The following TUBD1 variants were observed in gnomAD, a reference collection of about 807,000 sequenced individuals.
The protein encoded by TUBD1 is tubulin delta chain.
A neutral mutation model predicts 51.2 loss-of-function variants in TUBD1; 38 were observed. The ratio of observed to expected loss-of-function variants is 0.74; its 90% CI spans 0.57 to 0.97. The LOEUF (loss-of-function observed/expected upper bound fraction) is 0.97, where lower values mean the gene tolerates loss of function less well. TUBD1 is among the 50% of genes least tolerant of loss of function. The pLI, the probability that TUBD1 is intolerant of heterozygous loss-of-function variation, is 0.00. For missense variants in TUBD1, 489 were observed against 538.4 expected, an observed-to-expected ratio of 0.91 and a Z score of 0.91; for synonymous variants, 169 against 178.2, an observed-to-expected ratio of 0.95 and a Z score of 0.41.
At chr17:59,860,928 G>T (rs1380042419) in intron 8 of TUBD1, among the ~76,000 whole-genome samples, 2 of 151,684 alleles carry the variant, frequency 1.3e-5, no homozygotes, top group Non-Finnish European at 2.9e-5. Context: ...TTTTTTCAGT[G>T]TCCAAAAAAC....
intron 2 of TUBD1, 149 bp from the exon 3 acceptor site, chr17:59,886,379 G>A (rs1295922): frequency 2.6e-6 from 2 of 783,666 alleles, no homozygotes; most frequent in Admixed American, 3.1e-5. Flanking sequence ...GTACTGCTTA[G>A]AAATCTCAGT....
At chr17:59,869,257 C>T (rs1161992249) in intron 6 of TUBD1, among the ~76,000 whole-genome samples, 1 of 151,706 alleles carries the variant, frequency 6.6e-6, no homozygotes, top group African/African-American at 2.4e-5. Context: ...GGGCAAATCA[C>T]AAGGTCAGGA....
chr17:59,864,543 C>A (rs1313933564), intron 7 of TUBD1, among the ~76,000 whole-genome samples: 2 of 152,130 alleles, frequency 1.3e-5, no homozygotes, highest in Admixed American at 1.3e-4. Context: ...TGGTCTGTCA[C>A]CAGGCTGGTG....
chr17:59,891,199 C>T (rs1269924496), intron 1 of TUBD1, among the ~76,000 whole-genome samples, 158 bp from the exon 2 acceptor site: 2 of 152,130 alleles, frequency 1.3e-5, no homozygotes, highest in African/African-American at 2.4e-5. Context: ...GGCATGTTCT[C>T]GGCTTAATGC....
Position 59,874,684 on chromosome 17 carries a change from T to C in TUBD1, c.789A>G (p.Leu263=), listed in dbSNP as rs776152559. ...RNPLGDLMEH[L]VPHPEFKMLS... ...GCATCTTGAATTCAGGATGGGGAAC[T>C]AAATGCTCCATTAAGTCTCCTGTAA... The change falls in exon 6 of 9, where the codon TTA becomes TTG. Residue 263 remains leucine, a synonymous_variant. Coordinates refer to ENST00000325752, the MANE Select transcript of TUBD1 (RefSeq NM_016261.4). 1.6e-5 allele frequency: 25 copies of C among 1,611,352 alleles called. No individual in the cohort carries two copies. In the Admixed American group the frequency reaches 4.2e-4, roughly 27 times the overall value.
chr17:59,870,534 C>CT (rs1356407485), intron 6 of TUBD1, among the ~76,000 whole-genome samples: 1 of 152,108 alleles, frequency 6.6e-6, no homozygotes, highest in African/African-American at 2.4e-5. Context: ...TGTGAAAAGG[C>CT]TAAACCTGGG....
intron 3 of TUBD1, among the ~76,000 whole-genome samples, chr17:59,882,928 GCAC>G: frequency 9.0e-6 from 1 of 111,442 alleles, no homozygotes; most frequent in Non-Finnish European, 2.1e-5. Flanking sequence ...GGGACCACAG[GCAC>G]AGGCCGCCAC....
chr17:59,878,093 G>A lies in TUBD1; in HGVS notation c.769+10C>T. On this transcript the variant is annotated intron_variant, in intron 5 of 8. Transcript: ENST00000325752. ...GCTTTCCTATAATTAACGTATAGAGGGACAAATACCTAGTGGATTTCGTCT... is the reference window on the plus strand; with the variant it reads ...GCTTTCCTATAATTAACGTATAGAGAGACAAATACCTAGTGGATTTCGTCT... 6.2e-7 allele frequency: 1 copy of A among 1,605,152 alleles called. No individual in the cohort carries two copies. Among genetic ancestry groups the A allele is most frequent in the Non-Finnish European group, 8.5e-7 (1 of 1,172,372 alleles).
chr17:59,872,749 G>GT (rs1343880216), intron 6 of TUBD1, among the ~76,000 whole-genome samples: 1 of 146,784 alleles, frequency 6.8e-6, no homozygotes, highest in Non-Finnish European at 1.5e-5. Context: ...TAGAGGGGGT[G>GT]TAAGATGATT....
Position 59,891,050 on chromosome 17 carries a change from G to T in TUBD1, c.-39-9C>A. 1 of 1,475,028 alleles carries T rather than the reference G, an allele frequency of 6.8e-7. No homozygotes were observed. Among genetic ancestry groups the T allele is most frequent in the Non-Finnish European group, 9.2e-7 (1 of 1,084,632 alleles). 91.4% of individuals were successfully genotyped at this position (1,475,028 alleles called of 1,614,324 possible). A position where few individuals can be genotyped will look rare whatever the true frequency, so the allele number is the denominator to read the frequency against. The stretch of plus-strand genomic sequence containing the variant: ...TTACCTCTAAAAACAACCTGTAATC[G>T]AAAAAAATACGCTTTGAGAACCACT... On this transcript the variant is annotated splice_polypyrimidine_tract_variant and intron_variant, in intron 1 of 8. Transcript: ENST00000325752.
intron 6 of TUBD1, among the ~76,000 whole-genome samples, chr17:59,870,399 A>T (rs1327618827): frequency 6.7e-6 from 1 of 149,360 alleles, no homozygotes; most frequent in Admixed American, 6.7e-5. Context: ...AAAAAAAAAA[A>T]AAAAAAAATC....
chr17:59,860,503 A>G (rs1023901187), intron 8 of TUBD1, 79 bp from the exon 9 acceptor site: 5 of 852,186 alleles, frequency 5.9e-6, no homozygotes, highest in African/African-American at 3.5e-5. Context: ...CAATAAACAG[A>G]CCTTTTCTAG....
chr17:59,882,658 G>C (rs1461082047), intron 3 of TUBD1, among the ~76,000 whole-genome samples: 3 of 152,056 alleles, frequency 2.0e-5, no homozygotes, highest in Non-Finnish European at 4.4e-5. Context: ...AGTGAAATGT[G>C]AAGTGCAGTG....
At chr17:59,878,066 A>C (rs940892701) in intron 5 of TUBD1, 37 bp downstream of exon 5, 3 of 1,533,566 alleles carry the variant, frequency 2.0e-6, no homozygotes, top group Non-Finnish European at 9.0e-7. Flanking sequence ...TCAGAACATA[A>C]GGCTTTCCTA....
chr17:59,880,531 T>C (rs1427508314), intron 4 of TUBD1, among the ~76,000 whole-genome samples: 1 of 152,132 alleles, frequency 6.6e-6, no homozygotes, highest in Admixed American at 6.6e-5. Context: ...TTATTTTTTT[T>C]TGAGACGGAG....
At chr17:59,870,158 C>G (rs2039910916) in intron 6 of TUBD1, among the ~76,000 whole-genome samples, 1 of 151,790 alleles carries the variant, frequency 6.6e-6, no homozygotes, top group South Asian at 2.1e-4. Context: ...GTCAGGAGTT[C>G]AAGACCAGCC....
Position 59,878,276 on chromosome 17 carries a change from T to G in TUBD1, c.596A>C (p.Asp199Ala). The G allele has an allele frequency of 6.2e-7, 1 of 1,614,070 alleles. No individual in the cohort carries two copies. Among genetic ancestry groups the G allele is most frequent in the Non-Finnish European group, 8.5e-7 (1 of 1,180,034 alleles). ...ATCATTCTCATGAAGAAGGAGGGCGTCTGAAGATCGGTACAAGTGAGAAAG... is the reference window on the plus strand; with the variant it reads ...ATCATTCTCATGAAGAAGGAGGGCGGCTGAAGATCGGTACAAGTGAGAAAG... ...LTLSHLYRSSDALLLHENDAI... is the reference protein window; with the variant it reads ...LTLSHLYRSSAALLLHENDAI... Residue 199 changes from aspartate (D) to alanine (A), a missense_variant, in exon 5 of 9, where the codon GAC becomes GCC. Coordinates refer to ENST00000325752, the MANE Select transcript of TUBD1 (RefSeq NM_016261.4).
intron 3 of TUBD1, chr17:59,885,375 T>C: frequency 1.2e-6 from 1 of 814,374 alleles, no homozygotes; most frequent in Non-Finnish European, 2.1e-6. Flanking sequence ...TTTCTTGGAA[T>C]GTCATGTGTA....
chr17:59,881,791 T>C (rs578015195), intron 3 of TUBD1, among the ~76,000 whole-genome samples: 1 of 152,134 alleles, frequency 6.6e-6, no homozygotes, highest in Admixed American at 6.6e-5. Context: ...TGTCTCAGCC[T>C]CCTGAGTAGC....
Sources: gnomAD v4.1 joint callset for allele counts (sites outside exome capture counted in the v4.1 genomes callset) on GRCh38, gnomAD v4.1.1 for gene constraint, MANE v1.5 for transcripts, NCBI Gene and HGNC (gene_info 2026-07-23, HGNC 2026-07-21) for gene names.